Variants in PDE4D observed in about 807,000 individuals in gnomAD.
PDE4D encodes the protein 3',5'-cyclic-AMP phosphodiesterase 4D.
A neutral mutation model predicts 87.4 loss-of-function variants in PDE4D; 24 were observed. That is an observed-to-expected ratio of 0.27 (90% CI 0.20 to 0.39). The LOEUF is 0.39. Ranked by LOEUF, PDE4D falls within the 10% of genes least tolerant of loss-of-function variation. The pLI, the probability that PDE4D is intolerant of heterozygous loss-of-function variation, is 1.00. For missense variants in PDE4D, 714 were observed against 1,041.0 expected, an observed-to-expected ratio of 0.69 and a Z score of 4.32; for synonymous variants, 384 against 383.2, an observed-to-expected ratio of 1.00 and a Z score of -0.02.
At chr5:59,830,865 A>G (rs181144047) in intron 1 of PDE4D, among the ~76,000 whole-genome samples, 6 of 152,218 alleles carry the variant, frequency 3.9e-5, no homozygotes, top group Admixed American at 1.3e-4. Flanking sequence ...TTTTAAAAAT[A>G]GCTTAGTAAT....
At chr5:60,343,257 G>T (rs924879498) in intron 1 of PDE4D, among the ~76,000 whole-genome samples, 1 of 152,070 alleles carries the variant, frequency 6.6e-6, no homozygotes, top group Non-Finnish European at 1.5e-5. Flanking sequence ...TGTAATCAAC[G>T]CAGGGTAGAT....
intron 1 of PDE4D, among the ~76,000 whole-genome samples, chr5:59,747,028 T>C (rs1476550514): frequency 1.3e-5 from 2 of 152,188 alleles, no homozygotes; most frequent in African/African-American, 4.8e-5. Context: ...AACTCTTACA[T>C]AACTCATAAT....
At chr5:59,968,749 C>T (rs1760358668) in intron 3 of PDE4D, among the ~76,000 whole-genome samples, 1 of 151,990 alleles carries the variant, frequency 6.6e-6, no homozygotes, top group African/African-American at 2.4e-5. Context: ...CTTTCTGATA[C>T]TGAGGAAATT....
chr5:59,231,305 C>T (rs562481324), intron 1 of PDE4D, among the ~76,000 whole-genome samples: 19 of 152,320 alleles, frequency 1.2e-4, no homozygotes, highest in African/African-American at 4.6e-4. Context: ...ATTCCATTCT[C>T]TGCCTGTTCC....
At chr5:59,728,877 A>G (rs138080652) in intron 1 of PDE4D, among the ~76,000 whole-genome samples, 26 of 152,156 alleles carry the variant, frequency 1.7e-4, no homozygotes, top group Non-Finnish European at 3.2e-4. Flanking sequence ...TACATATGTT[A>G]TTTCATATAA....
chr5:59,926,961 T>A (rs1462939097), intron 3 of PDE4D, among the ~76,000 whole-genome samples: 1 of 152,132 alleles, frequency 6.6e-6, no homozygotes, highest in Non-Finnish European at 1.5e-5. Context: ...GTAATACCAA[T>A]TTTCCCAATT....
At chr5:59,605,977 A>T (rs1194975107) in intron 1 of PDE4D, among the ~76,000 whole-genome samples, 1 of 152,102 alleles carries the variant, frequency 6.6e-6, no homozygotes, top group Non-Finnish European at 1.5e-5. Flanking sequence ...ATTTAAAAAT[A>T]AAATAGTACC....
chr5:59,935,343 A>G (rs1756448732), intron 3 of PDE4D, among the ~76,000 whole-genome samples: 2 of 152,150 alleles, frequency 1.3e-5, no homozygotes, highest in African/African-American at 4.8e-5. Flanking sequence ...TCAGAAAACA[A>G]GGAGAGCTTT....
At chr5:59,037,857 T>G (rs1758817305) in intron 6 of PDE4D, among the ~76,000 whole-genome samples, 5 of 151,770 alleles carry the variant, frequency 3.3e-5, no homozygotes, top group Non-Finnish European at 4.4e-5. Flanking sequence ...GCATCACTCA[T>G]TTAAAGATAT....
intron 1 of PDE4D, among the ~76,000 whole-genome samples, chr5:59,829,742 T>C (rs1740895608): frequency 6.6e-6 from 1 of 152,062 alleles, no homozygotes; most frequent in Admixed American, 6.6e-5. Context: ...AATGATCCCT[T>C]ATTGCTCAAT....
chr5:59,976,919 T>G (rs966887564), intron 3 of PDE4D, among the ~76,000 whole-genome samples: 7 of 152,202 alleles, frequency 4.6e-5, no homozygotes, highest in Admixed American at 2.0e-4. Flanking sequence ...ACCATGCCCA[T>G]GTAAGACAGT....
intron 2 of PDE4D, chr5:60,147,683 C>T: frequency 2.3e-6 from 1 of 435,478 alleles, no homozygotes; most frequent in Non-Finnish European, 4.6e-6. Flanking sequence ...GTCAAGCCGC[C>T]AGCTGAGGCT....
chr5:59,174,827 CTAAG>C (rs1484461005), intron 5 of PDE4D, among the ~76,000 whole-genome samples: 1 of 152,180 alleles, frequency 6.6e-6, no homozygotes, highest in African/African-American at 2.4e-5. Flanking sequence ...GGCATTGTCA[CTAAG>C]CAGCACCCTC....
intron 5 of PDE4D, among the ~76,000 whole-genome samples, chr5:59,163,540 G>A (rs1444284715): frequency 6.6e-6 from 1 of 152,110 alleles, no homozygotes; most frequent in Admixed American, 6.6e-5. Flanking sequence ...CCAAAATGCT[G>A]GATAACAGGC....
chr5:60,207,278 A>C (rs1464096423), intron 1 of PDE4D, among the ~76,000 whole-genome samples: 1 of 152,212 alleles, frequency 6.6e-6, no homozygotes, highest in Non-Finnish European at 1.5e-5. Flanking sequence ...AAATAACCTA[A>C]GATGGTTAAG....
At position 60,007,722 on chromosome 5, in the gene PDE4D, T is replaced by C. The variant is rs2662430; in HGVS notation, c.43-19005A>G. Among the ~76,000 whole-genome samples, 594 of 152,180 alleles carry C rather than the reference T, an allele frequency of 3.9e-3. 24 individuals are homozygous for C. In the East Asian group the frequency reaches 0.092, roughly 24 times the overall value. ...CCCTTGTTTCATGACCCTCTACTTATATTGTTAATTACTTTTTCCTACAGC... is the reference window on the plus strand; with the variant it reads ...CCCTTGTTTCATGACCCTCTACTTACATTGTTAATTACTTTTTCCTACAGC... On this transcript the variant is annotated intron_variant, in intron 2 of 16. Transcript: ENST00000502484.
At chr5:60,491,118 C>T (rs1235601895), upstream of PDE4D, 1 of 152,138 alleles carries the variant, frequency 6.6e-6, no homozygotes, top group African/African-American at 2.4e-5. Context: ...GAACTGCTGA[C>T]AGTTTCAATG....
chr5:59,875,369 G>A (rs1330809744), intron 1 of PDE4D, among the ~76,000 whole-genome samples: 5 of 143,774 alleles, frequency 3.5e-5, no homozygotes, highest in Non-Finnish European at 6.0e-5. Flanking sequence ...GCTGAGGCAG[G>A]AGAATCTCTT....
chr5:60,417,339 C>T (rs987175696), intron 1 of PDE4D, among the ~76,000 whole-genome samples: 1 of 152,176 alleles, frequency 6.6e-6, no homozygotes, highest in African/African-American at 2.4e-5. Context: ...TCAGATCCTA[C>T]ACTCACAACC....
Sources: allele counts gnomAD v4.1 joint callset (sites outside exome capture counted in the v4.1 genomes callset), GRCh38; gene constraint gnomAD v4.1.1; transcripts MANE v1.5; gene names NCBI Gene and HGNC (gene_info 2026-07-23, HGNC 2026-07-21).